The following GASK1B variants were observed in gnomAD, a reference collection of about 807,000 sequenced individuals.
The protein encoded by GASK1B is Golgi-associated kinase 1B.
In GASK1B, 34 loss-of-function variants were observed where a neutral mutation model predicts 42.8. The ratio of observed to expected loss-of-function variants is 0.79; its 90% CI spans 0.60 to 1.06. The LOEUF (loss-of-function observed/expected upper bound fraction) is 1.06, where lower values mean the gene tolerates loss of function less well. Among genes scored for constraint, GASK1B ranks in the 50% least tolerant of loss-of-function variants. The pLI is 0.00. For missense variants in GASK1B, 686 were observed against 661.0 expected (o/e 1.04, Z -0.42); for synonymous variants, 262 against 259.1 (o/e 1.01, Z -0.11).
chr4:158,166,962 C>T (rs796148404), intron 2 of GASK1B, among the ~76,000 whole-genome samples: 1 of 152,098 alleles, frequency 6.6e-6, no homozygotes, highest in South Asian at 2.1e-4. Flanking sequence ...CATCACATGA[C>T]CTTGAGCAGT....
In GASK1B at chr4:158,124,904, A is replaced by G. The variant is rs1730391997; in HGVS notation, c.*2503T>C. ...ATTTTTAAGATACATATTTATTTTT[A>G]TATTATTAGCTTAAAGAAAGTAAGT... On this transcript the variant is annotated 3_prime_UTR_variant, in exon 5 of 5. Coordinates refer to ENST00000585682, the MANE Select transcript of GASK1B (RefSeq NM_001128424.2). The G allele has an allele frequency of 1.3e-5, 2 of 152,124 alleles. No homozygotes were observed. The highest frequency in any genetic ancestry group is 2.9e-5 in the Non-Finnish European group (2 of 68,002). The allele number at this position is 152,124 out of a possible 1,614,324, so 9.4% of individuals were successfully genotyped here. A position where few individuals can be genotyped will look rare whatever the true frequency, so the allele number is the denominator to read the frequency against.
At chr4:158,160,260 C>A (rs1044360453) in intron 2 of GASK1B, among the ~76,000 whole-genome samples, 1 of 152,116 alleles carries the variant, frequency 6.6e-6, no homozygotes, top group Non-Finnish European at 1.5e-5. Flanking sequence ...AAGAAATAAA[C>A]CTCCATAAGG....
At chr4:158,128,056 A>T (rs1730529820) in intron 4 of GASK1B, among the ~76,000 whole-genome samples, 1 of 152,230 alleles carries the variant, frequency 6.6e-6, no homozygotes, top group African/African-American at 2.4e-5. Context: ...AACTTCAATA[A>T]AGTATTCTGC....
chr4:158,170,626 C>A lies in GASK1B; in HGVS notation c.750G>T (p.Glu250Asp). 6.2e-7 allele frequency: 1 copy of A among 1,613,800 alleles called. No individual in the cohort carries two copies. The highest frequency in any genetic ancestry group is 8.5e-7 in the Non-Finnish European group (1 of 1,180,048). The stretch of plus-strand genomic sequence containing the variant: ...GGAGCACAGCGCCAGGTGCGCCCCC[C>A]TCCAGCACCAGCAAACGGGCTCCGC... ...SRSGARLLVL[E>D]GGAPGAVLRC... is the part of the protein sequence containing the mutation. Residue 250 changes from glutamate (E) to aspartate (D), a missense_variant, in exon 2 of 5, where the codon GAG (glutamate) becomes GAT (aspartate). Transcript: ENST00000585682.
intron 2 of GASK1B, 76 bp downstream of exon 2, chr4:158,170,390 A>C: frequency 3.7e-6 from 6 of 1,614,186 alleles, no homozygotes; most frequent in Non-Finnish European, 5.1e-6. Flanking sequence ...TCATTTAGAA[A>C]AAGAGAGTGA....
chr4:158,134,595 T>C (rs564370189), intron 3 of GASK1B, among the ~76,000 whole-genome samples: 1 of 152,316 alleles, frequency 6.6e-6, no homozygotes, highest in East Asian at 1.9e-4. Context: ...GAGTCTTTCC[T>C]TTCTTAGGAA....
intron 3 of GASK1B, among the ~76,000 whole-genome samples, chr4:158,134,685 G>C (rs949573238): frequency 6.6e-6 from 1 of 152,090 alleles, no homozygotes; most frequent in Admixed American, 6.6e-5. Context: ...TTTGGTGGTG[G>C]TGGTGGGATA....
chr4:158,135,254 G>A (rs1730838360), intron 3 of GASK1B, among the ~76,000 whole-genome samples: 1 of 149,126 alleles, frequency 6.7e-6, no homozygotes, highest in Non-Finnish European at 1.5e-5. Context: ...CCGGGAAGTG[G>A]AGGTTGCAGT....
intron 2 of GASK1B, among the ~76,000 whole-genome samples, chr4:158,164,239 T>C (rs1378368441): frequency 2.0e-5 from 3 of 152,280 alleles, no homozygotes; most frequent in East Asian, 1.9e-4. Flanking sequence ...AATAAATACA[T>C]GTTAAAGGAA....
Position 158,171,322 on chromosome 4 carries a change from C to G in GASK1B, c.54G>C (p.Leu18=). Residue 18 remains leucine (L), a synonymous_variant, in exon 2 of 5, where the codon CTG becomes CTC. Transcript: ENST00000585682. ...AGAGCTTACGCACCCGCGGGACGCA[C>G]AGGGAGCAGATGAACCAGTTTATGA... ...GQLINWFICS[L]CVPRVRKLWS... 1.2e-6 allele frequency: 2 copies of G among 1,611,972 alleles called. No individual in the cohort carries two copies. The highest frequency in any genetic ancestry group is 8.5e-7 in the Non-Finnish European group (1 of 1,178,992).
At chr4:158,135,513 T>C (rs1321475488) in intron 3 of GASK1B, among the ~76,000 whole-genome samples, 2 of 152,004 alleles carry the variant, frequency 1.3e-5, no homozygotes, top group South Asian at 2.1e-4. Flanking sequence ...ACATAGGTGA[T>C]ACCAATAGTC....
At chr4:158,134,831 T>A (rs1730822319) in intron 3 of GASK1B, among the ~76,000 whole-genome samples, 1 of 152,208 alleles carries the variant, frequency 6.6e-6, no homozygotes, top group South Asian at 2.1e-4. Flanking sequence ...AGGGTGCCTC[T>A]GCAGCACTGT....
rs753444078 is a variant in GASK1B, at chr4:158,127,359, C to T, written c.*48G>A. On this transcript the variant is annotated 3_prime_UTR_variant, in exon 5 of 5. Coordinates refer to ENST00000585682, the MANE Select transcript of GASK1B (RefSeq NM_001128424.2). Reference sequence around the variant, plus strand: ...TGATGTGCTTGATTTAAAAACAAAACCAAAAATGCATAAATATATCTAACA... The same window carrying T: ...TGATGTGCTTGATTTAAAAACAAAATCAAAAATGCATAAATATATCTAACA... 3 of 1,543,574 alleles carry T rather than the reference C, an allele frequency of 1.9e-6. No individual in the cohort carries two copies. In the South Asian group the frequency reaches 3.5e-5, roughly 18 times the overall value.
At chr4:158,164,240 G>A (rs956578945) in intron 2 of GASK1B, among the ~76,000 whole-genome samples, 4 of 152,180 alleles carry the variant, frequency 2.6e-5, no homozygotes, top group Non-Finnish European at 1.5e-5. Context: ...ATAAATACAT[G>A]TTAAAGGAAG....
intron 3 of GASK1B, among the ~76,000 whole-genome samples, chr4:158,144,017 G>A (rs1731237891): frequency 6.6e-6 from 1 of 151,964 alleles, no homozygotes; most frequent in Non-Finnish European, 1.5e-5. Flanking sequence ...TTTTTGTCAT[G>A]TTTTACCATT....
At chr4:158,135,752 G>A (rs1315607811) in intron 3 of GASK1B, among the ~76,000 whole-genome samples, 2 of 152,026 alleles carry the variant, frequency 1.3e-5, no homozygotes, top group East Asian at 3.9e-4. Flanking sequence ...TAAAATATTA[G>A]TTATAAAGGT....
chr4:158,145,938 T>C (rs1349321704), intron 3 of GASK1B, among the ~76,000 whole-genome samples: 1 of 152,220 alleles, frequency 6.6e-6, no homozygotes, highest in Non-Finnish European at 1.5e-5. Context: ...TAAACAGTTA[T>C]TCTTAGAAAT....
chr4:158,166,954 T>C (rs1181651440), intron 2 of GASK1B, among the ~76,000 whole-genome samples: 1 of 152,168 alleles, frequency 6.6e-6, no homozygotes, highest in Non-Finnish European at 1.5e-5. Flanking sequence ...AACTAACTCA[T>C]CACATGACCT....
Position 158,170,649 on chromosome 4 carries a change from C to G in GASK1B, c.727G>C (p.Gly243Arg), listed in dbSNP as rs773851781. The change falls in exon 2 of 5, where the codon GGA becomes CGA. Residue 243 changes from glycine to arginine, a missense_variant. Physicochemically the swap from Gly to Arg is moderately radical, Grantham distance 125. Coordinates refer to ENST00000585682, the MANE Select transcript of GASK1B (RefSeq NM_001128424.2). ...CCCTCCAGCACCAGCAAACGGGCTC[C>G]GCTCCTAGAGGACACAGGCCGGAGC... Reference protein sequence around the residue: ...AGLRPVSSRSGARLLVLEGGA... With the variant: ...AGLRPVSSRSRARLLVLEGGA... 1.9e-6 allele frequency: 3 copies of G among 1,613,948 alleles called. No individual in the cohort carries two copies. Among genetic ancestry groups the G allele is most frequent in the Non-Finnish European group, 2.5e-6 (3 of 1,180,036 alleles).
Sources: allele counts gnomAD v4.1 joint callset (sites outside exome capture counted in the v4.1 genomes callset), GRCh38; gene constraint gnomAD v4.1.1; transcripts MANE v1.5; gene names NCBI Gene and HGNC (gene_info 2026-07-23, HGNC 2026-07-21).